Variants in MTCH2 observed in about 807,000 individuals in gnomAD.
MTCH2 encodes mitochondrial carrier 2.
In MTCH2, 25 loss-of-function variants were observed where a neutral mutation model predicts 50.6. The observed-to-expected ratio is 0.49, with a 90% CI of 0.36 to 0.69. The LOEUF (loss-of-function observed/expected upper bound fraction) is 0.69. Among genes scored for constraint, MTCH2 ranks in the 30% least tolerant of loss-of-function variants. The pLI is 0.00. For missense variants in MTCH2, 273 were observed against 384.4 expected, an observed-to-expected ratio of 0.71 and a Z score of 2.42; for synonymous variants, 106 against 132.0, an observed-to-expected ratio of 0.80 and a Z score of 1.35.
At chr11:47,616,215 C>T (rs1482823129), downstream of MTCH2, among the ~76,000 whole-genome samples, 1 of 152,164 alleles carries the variant, frequency 6.6e-6, no homozygotes, top group Admixed American at 6.5e-5. Context: ...AAGTGATCCA[C>T]TGCCCCCAGC....
Position 47,617,787 on chromosome 11 carries a change from A to G in MTCH2, c.*1046T>C, listed in dbSNP as rs1451525131. The G allele has an allele frequency of 6.6e-6, 1 of 152,154 alleles. No homozygotes were observed. The highest frequency in any genetic ancestry group is 1.5e-5 in the Non-Finnish European group (1 of 68,032). 9.4% of individuals were successfully genotyped at this position (152,154 alleles called of 1,614,324 possible). A position where few individuals can be genotyped will look rare whatever the true frequency, so the allele number is the denominator to read the frequency against. ...AATGTTAACATGCTTAACTGAGGGT[A>G]TGGCATGTGAGGTGGTCAGTGTCCT... On this transcript the variant is annotated 3_prime_UTR_variant, in exon 13 of 13. Coordinates refer to ENST00000302503, the MANE Select transcript of MTCH2 (RefSeq NM_014342.4).
At chr11:47,642,253 C>G in intron 1 of MTCH2, 126 bp downstream of exon 1, 1 of 805,268 alleles carries the variant, frequency 1.2e-6, no homozygotes, top group Non-Finnish European at 1.9e-6. Context: ...AGGTAAAGGG[C>G]AGCGGAGGAG....
intron 8 of MTCH2, chr11:47,629,318 G>T (rs1413640672): frequency 2.8e-6 from 1 of 351,820 alleles, no homozygotes; most frequent in Non-Finnish European, 5.4e-6. Context: ...ATAACTGTAA[G>T]CAGGGAGGCA....
At chr11:47,638,303 T>C (rs1204532847) in intron 3 of MTCH2, among the ~76,000 whole-genome samples, 1 of 147,040 alleles carries the variant, frequency 6.8e-6, no homozygotes, top group Non-Finnish European at 1.5e-5. Flanking sequence ...GGCTCATGCT[T>C]GTAATCCCAG....
chr11:47,630,409 A>G, intron 8 of MTCH2, 146 bp downstream of exon 8: 1 of 693,846 alleles, frequency 1.4e-6, no homozygotes. Flanking sequence ...AAAAGAAAAA[A>G]AAATAAGGGG....
chr11:47,617,918 C>G lies in MTCH2; in HGVS notation c.*915G>C, dbSNP rs959134692. ...AACTACTCACCTTCGGCAACAATAA[C>G]AAAAAGGAAACAAAACAAAAAACTG... On this transcript the variant is annotated 3_prime_UTR_variant, in exon 13 of 13. Coordinates refer to ENST00000302503, the MANE Select transcript of MTCH2 (RefSeq NM_014342.4). The G allele has an allele frequency of 1.3e-5, 2 of 151,904 alleles. No individual in the cohort carries two copies. The highest frequency in any genetic ancestry group is 2.9e-5 in the Non-Finnish European group (2 of 67,974). 9.4% of individuals were successfully genotyped at this position (151,904 alleles called of 1,614,324 possible). A position where few individuals can be genotyped will look rare whatever the true frequency, so the allele number is the denominator to read the frequency against.
At chr11:47,608,638 T>TG in the MTCH2 span, among the ~76,000 whole-genome samples, 4 of 152,118 alleles carry the variant, frequency 2.6e-5, no homozygotes, top group African/African-American at 9.6e-5. Context: ...CATGTGGGCT[T>TG]GGGGCGGAAG....
intron 5 of MTCH2, among the ~76,000 whole-genome samples, chr11:47,633,029 C>G (rs1020480063): frequency 1.3e-4 from 20 of 151,202 alleles, no homozygotes; most frequent in African/African-American, 4.9e-4. Context: ...CAGCCCTCAC[C>G]CCTTCTCCAA....
chr11:47,637,297 TTCAGTTTTAACAGAAAATAAG>T (rs1446448004), intron 3 of MTCH2, among the ~76,000 whole-genome samples: 2 of 152,144 alleles, frequency 1.3e-5, no homozygotes, highest in Non-Finnish European at 2.9e-5. Context: ...GCCAAGAACT[TTCAGTTTTAACAGAAAATAAG>T]TCAGTAAAAA....
intron 12 of MTCH2, among the ~76,000 whole-genome samples, chr11:47,619,868 G>A (rs2097291623): frequency 6.6e-6 from 1 of 152,136 alleles, no homozygotes. Flanking sequence ...CCTGAGGTCA[G>A]GAGTTCGAGA....
At chr11:47,629,551 G>T (rs1365134089) in intron 8 of MTCH2, among the ~76,000 whole-genome samples, 1 of 152,034 alleles carries the variant, frequency 6.6e-6, no homozygotes, top group Admixed American at 6.6e-5. Context: ...TGGAATAGTG[G>T]GAAGAGCATT....
At chr11:47,634,589 A>C in intron 5 of MTCH2, 83 bp downstream of exon 5, 80 of 974,490 alleles carry the variant, frequency 8.2e-5, no homozygotes, top group Non-Finnish European at 1.2e-4. Context: ...CACTGAACAC[A>C]CAGGCCTGAT....
chr11:47,629,280 A>G, intron 8 of MTCH2: 1 of 484,196 alleles, frequency 2.1e-6, no homozygotes, highest in East Asian at 3.8e-5. Context: ...CAGGTCGGCT[A>G]TACCCTCAGT....
At chr11:47,635,732 TTAA>T (rs1436273335) in intron 3 of MTCH2, among the ~76,000 whole-genome samples, 161 bp from the exon 4 acceptor site, 1 of 151,938 alleles carries the variant, frequency 6.6e-6, no homozygotes, top group Non-Finnish European at 1.5e-5. Flanking sequence ...CTTCTACTCA[TTAA>T]TCAACTGGAA....
intron 12 of MTCH2, 103 bp downstream of exon 12, chr11:47,622,598 T>G: frequency 2.2e-6 from 2 of 896,058 alleles, no homozygotes; most frequent in Non-Finnish European, 3.4e-6. Context: ...CTAGCTAAAG[T>G]GAGCTACAAG....
rs558151741 is a variant in MTCH2, at chr11:47,624,747, A to G, written c.749+927T>C. 1.3e-4 allele frequency among the ~76,000 whole-genome samples: 20 copies of G among 152,300 alleles called. No individual in the cohort carries two copies. The South Asian group carries it at 1.9e-3, about 14-fold the overall frequency. ...CAGGAGTTCAAGGCTGCAGTGAGCT[A>G]GGACTTCACCACCACATTGCAGCCC... On this transcript the variant is annotated intron_variant, in intron 11 of 12. Transcript: ENST00000302503.
At chr11:47,608,957 CA>C in the MTCH2 span, among the ~76,000 whole-genome samples, 39,188 of 45,410 alleles carry the variant, frequency 0.86, 16,799 homozygotes, top group Admixed American at 0.9. Flanking sequence ...GACTCTGTCT[CA>C]AAAAAAAAAA....
At chr11:47,633,220 T>C (rs1291244526) in intron 5 of MTCH2, among the ~76,000 whole-genome samples, 1 of 146,504 alleles carries the variant, frequency 6.8e-6, no homozygotes, top group Non-Finnish European at 1.5e-5. Context: ...CGCCATGCTC[T>C]TGCCTCAGCC....
chr11:47,610,880 C>T, the MTCH2 span, among the ~76,000 whole-genome samples: 5 of 152,134 alleles, frequency 3.3e-5, no homozygotes, highest in Admixed American at 6.6e-5. Flanking sequence ...CAATCGGAGC[C>T]GCTTCTTCAT....
Sources: gnomAD v4.1 joint callset for allele counts (sites outside exome capture counted in the v4.1 genomes callset) on GRCh38, gnomAD v4.1.1 for gene constraint, MANE v1.5 for transcripts, NCBI Gene and HGNC (gene_info 2026-07-23, HGNC 2026-07-21) for gene names.